The following FSTL4 variants were observed in gnomAD, a reference collection of about 807,000 sequenced individuals.
FSTL4 encodes follistatin like 4, also known as follistatin-related protein 4.
In FSTL4, 28 loss-of-function variants were observed where a neutral mutation model predicts 78.2. That is an observed-to-expected ratio of 0.36 (90% confidence interval 0.27 to 0.49). FSTL4 has a LOEUF of 0.49. Among genes scored for constraint, FSTL4 ranks in the 20% least tolerant of loss-of-function variants. FSTL4 has a pLI of 0.98. For missense variants in FSTL4, 922 were observed against 1,084.9 expected (o/e 0.85, Z 2.11); for synonymous variants, 422 against 440.5 (o/e 0.96, Z 0.53).
the FSTL4 span, among the ~76,000 whole-genome samples, chr5:133,652,227 G>A: frequency 6.6e-6 from 1 of 151,810 alleles, no homozygotes; most frequent in Non-Finnish European, 1.5e-5. Context: ...TTTCCCCATT[G>A]ATTTTCTTTT....
chr5:133,608,157 C>T (rs1215729934), intron 1 of FSTL4, among the ~76,000 whole-genome samples: 1 of 152,164 alleles, frequency 6.6e-6, no homozygotes, highest in Non-Finnish European at 1.5e-5. Context: ...CCTTTTAAAC[C>T]TAGAGCTCCT....
At chr5:133,234,187 G>A (rs979100820) in intron 7 of FSTL4, among the ~76,000 whole-genome samples, 1 of 152,140 alleles carries the variant, frequency 6.6e-6, no homozygotes, top group Non-Finnish European at 1.5e-5. Context: ...ATGATTTCAG[G>A]CTGCTTGCAG....
intron 6 of FSTL4, among the ~76,000 whole-genome samples, chr5:133,262,921 C>T (rs1436871060): frequency 6.6e-6 from 1 of 151,186 alleles, no homozygotes; most frequent in East Asian, 2.0e-4. Flanking sequence ...GGACAACACT[C>T]TGTTGGTTTG....
At chr5:133,278,297 G>A (rs1483420924) in intron 6 of FSTL4, among the ~76,000 whole-genome samples, 5 of 152,144 alleles carry the variant, frequency 3.3e-5, no homozygotes, top group Non-Finnish European at 7.3e-5. Flanking sequence ...GAGCAAAGGG[G>A]TCTTGTGAAG....
chr5:133,786,076 C>A, the FSTL4 span, among the ~76,000 whole-genome samples: 2 of 152,198 alleles, frequency 1.3e-5, no homozygotes, highest in African/African-American at 4.8e-5. Context: ...TTCAGCATCC[C>A]CAACTGGGCC....
At chr5:133,770,109 T>C in the FSTL4 span, among the ~76,000 whole-genome samples, 1 of 151,980 alleles carries the variant, frequency 6.6e-6, no homozygotes, top group Admixed American at 6.6e-5. Context: ...TGTGTGTGTA[T>C]AACATTTTCT....
At chr5:133,576,089 C>T (rs1258454945) in intron 2 of FSTL4, among the ~76,000 whole-genome samples, 1 of 151,794 alleles carries the variant, frequency 6.6e-6, no homozygotes, top group African/African-American at 2.4e-5. Context: ...CTACACAATC[C>T]TTATTTTTGA....
At chr5:133,244,924 A>G (rs2126817123) in intron 7 of FSTL4, 1 of 152,462 alleles carries the variant, frequency 6.6e-6, no homozygotes, top group African/African-American at 2.4e-5. Context: ...GTTTGAGGCC[A>G]GCCTGGGCAA....
At chr5:133,354,769 C>T (rs1446537544) in intron 4 of FSTL4, among the ~76,000 whole-genome samples, 2 of 152,244 alleles carry the variant, frequency 1.3e-5, no homozygotes. Context: ...ACAGCTGTGC[C>T]CATGCAGATC....
the FSTL4 span, among the ~76,000 whole-genome samples, chr5:133,653,745 T>C: frequency 6.6e-6 from 1 of 152,250 alleles, no homozygotes; most frequent in Non-Finnish European, 1.5e-5. Context: ...TTAACTTGCC[T>C]GTCAGGGTCC....
At chr5:133,696,797 C>T in the FSTL4 span, among the ~76,000 whole-genome samples, 28 of 152,280 alleles carry the variant, frequency 1.8e-4, no homozygotes, top group African/African-American at 6.0e-4. Context: ...GTTAGGTATG[C>T]GAGTGGGTAC....
chr5:133,348,799 A>G (rs1754756392), intron 4 of FSTL4, among the ~76,000 whole-genome samples: 1 of 152,196 alleles, frequency 6.6e-6, no homozygotes, highest in South Asian at 2.1e-4. Context: ...AGAACTTGCC[A>G]CACTGGGTAG....
chr5:133,468,284 G>A (rs971926580), intron 3 of FSTL4, among the ~76,000 whole-genome samples: 1 of 152,234 alleles, frequency 6.6e-6, no homozygotes, highest in East Asian at 1.9e-4. Flanking sequence ...CTGCCCCAGG[G>A]CATCGCTCTC....
At chr5:133,358,595 T>C (rs79637486) in intron 4 of FSTL4, among the ~76,000 whole-genome samples, 12 of 146,690 alleles carry the variant, frequency 8.2e-5, no homozygotes, top group South Asian at 2.2e-4. Context: ...CTATTTCTTT[T>C]TTTTTTTTTT....
intron 4 of FSTL4, among the ~76,000 whole-genome samples, chr5:133,374,597 G>A (rs982230137): frequency 3.1e-4 from 47 of 152,152 alleles, no homozygotes; most frequent in African/African-American, 1.1e-3. Flanking sequence ...AAATTCATAT[G>A]CTGAAGCATA....
At chr5:133,278,654 G>T (rs966188388) in intron 6 of FSTL4, among the ~76,000 whole-genome samples, 2 of 152,202 alleles carry the variant, frequency 1.3e-5, no homozygotes, top group Admixed American at 6.5e-5. Context: ...CATGAGAGGT[G>T]CAAGGAAGAC....
intron 4 of FSTL4, among the ~76,000 whole-genome samples, chr5:133,342,043 CCA>C (rs1754593932): frequency 6.6e-6 from 1 of 152,182 alleles, no homozygotes; most frequent in Admixed American, 6.5e-5. Context: ...CGCACAGACC[CCA>C]CACAGGGTGG....
chr5:133,838,398 G>C, the FSTL4 span, among the ~76,000 whole-genome samples: 2 of 152,232 alleles, frequency 1.3e-5, no homozygotes, highest in African/African-American at 4.8e-5. Flanking sequence ...CAGGAATTCA[G>C]GAGCAGCTCA....
chr5:133,840,727 T>G, the FSTL4 span, among the ~76,000 whole-genome samples: 1 of 152,324 alleles, frequency 6.6e-6, no homozygotes, highest in Non-Finnish European at 1.5e-5. Context: ...GATTTGAGAA[T>G]GAGGAGTTCA....
Sources: gnomAD v4.1 joint callset for allele counts (sites outside exome capture counted in the v4.1 genomes callset) on GRCh38, gnomAD v4.1.1 for gene constraint, MANE v1.5 for transcripts, NCBI Gene and HGNC (gene_info 2026-07-23, HGNC 2026-07-21) for gene names.